Variants in GPC5 observed in about 807,000 individuals in gnomAD.
GPC5 encodes glypican-5.
In GPC5, 47 loss-of-function variants were observed where a neutral mutation model predicts 53.9. The ratio of observed to expected loss-of-function variants is 0.87; its 90% CI spans 0.69 to 1.11. The LOEUF (loss-of-function observed/expected upper bound fraction) is 1.11, where lower values mean the gene tolerates loss of function less well. Among genes scored for constraint, GPC5 ranks in the 50% most tolerant of loss-of-function variants. GPC5 has a pLI of 0.00. For missense variants in GPC5, 748 were observed against 713.1 expected, an observed-to-expected ratio of 1.05 and a Z score of -0.56; for synonymous variants, 286 against 263.3, an observed-to-expected ratio of 1.09 and a Z score of -0.84.
At chr13:92,586,596 GA>G (rs2139061040) in intron 7 of GPC5, among the ~76,000 whole-genome samples, 1 of 152,284 alleles carries the variant, frequency 6.6e-6, no homozygotes, top group South Asian at 2.1e-4. Context: ...GACGACTGAA[GA>G]AAAACACCCA....
intron 3 of GPC5, among the ~76,000 whole-genome samples, chr13:91,714,000 G>T (rs775818648): frequency 7.2e-5 from 11 of 152,036 alleles, no homozygotes; most frequent in Non-Finnish European, 1.3e-4. Flanking sequence ...AATAACCATT[G>T]AATCTCAGAG....
chr13:91,805,040 A>G (rs1258466008), intron 5 of GPC5, among the ~76,000 whole-genome samples: 5 of 152,200 alleles, frequency 3.3e-5, no homozygotes, highest in Non-Finnish European at 7.3e-5. Context: ...TCTGAACCAC[A>G]TGGCAGAACA....
chr13:92,079,770 C>T (rs973356705), intron 6 of GPC5, among the ~76,000 whole-genome samples: 3 of 152,186 alleles, frequency 2.0e-5, no homozygotes, highest in Admixed American at 6.5e-5. Context: ...TTTGCAGTAG[C>T]AATTGAGCTT....
intron 7 of GPC5, among the ~76,000 whole-genome samples, chr13:92,327,273 ACT>A (rs1297456060): frequency 2.0e-5 from 3 of 152,210 alleles, no homozygotes; most frequent in African/African-American, 7.2e-5. Context: ...TTGCCGCTAT[ACT>A]CTCAGAGCAG....
At chr13:91,766,049 C>A (rs1258985392) in intron 5 of GPC5, among the ~76,000 whole-genome samples, 1 of 152,158 alleles carries the variant, frequency 6.6e-6, no homozygotes, top group Non-Finnish European at 1.5e-5. Context: ...TCTACTCTTT[C>A]ACAAACACTG....
chr13:92,786,608 A>AGTACATTG (rs1245046164), intron 7 of GPC5, among the ~76,000 whole-genome samples: 1 of 152,184 alleles, frequency 6.6e-6, no homozygotes, highest in Non-Finnish European at 1.5e-5. Flanking sequence ...CTAGTAAAAT[A>AGTACATTG]GTACATTGAG....
chr13:92,543,655 G>A (rs1454759050), intron 7 of GPC5, among the ~76,000 whole-genome samples: 1 of 152,028 alleles, frequency 6.6e-6, no homozygotes, highest in East Asian at 1.9e-4. Context: ...CTCTGCCAAG[G>A]CACTGATTTT....
chr13:92,415,334 T>C (rs554820061), intron 7 of GPC5, among the ~76,000 whole-genome samples: 23 of 152,232 alleles, frequency 1.5e-4, no homozygotes, highest in African/African-American at 5.5e-4. Flanking sequence ...AAATAATTAA[T>C]GTGGTCCAAT....
At chr13:91,829,131 A>T (rs1211304403) in intron 5 of GPC5, among the ~76,000 whole-genome samples, 3 of 152,098 alleles carry the variant, frequency 2.0e-5, no homozygotes, top group African/African-American at 7.2e-5. Context: ...GCCTCCTGAC[A>T]TGATGTACTA....
intron 7 of GPC5, among the ~76,000 whole-genome samples, chr13:92,855,794 G>A (rs1878978055): frequency 6.6e-6 from 1 of 151,920 alleles, no homozygotes; most frequent in Non-Finnish European, 1.5e-5. Context: ...TCCCAAGATT[G>A]AATCAGGAAG....
chr13:92,240,245 T>A (rs1310545606), intron 7 of GPC5: 1 of 152,112 alleles, frequency 6.6e-6, no homozygotes, highest in East Asian at 1.9e-4. Context: ...AACCGTTTTT[T>A]CTCTGTTTTG....
intron 2 of GPC5, among the ~76,000 whole-genome samples, chr13:91,529,594 C>A (rs1363056544): frequency 2.0e-5 from 3 of 149,678 alleles, no homozygotes; most frequent in Non-Finnish European, 3.0e-5. Context: ...AGTAATCATG[C>A]AGTAAGTGCT....
At chr13:91,674,486 T>C (rs1314881645) in intron 2 of GPC5, among the ~76,000 whole-genome samples, 1 of 149,850 alleles carries the variant, frequency 6.7e-6, no homozygotes, top group Non-Finnish European at 1.5e-5. Flanking sequence ...CACACGCGCA[T>C]GTGTATATAT....
chr13:92,692,754 A>ATTTTTTTTT lies in GPC5; in HGVS notation c.1562-173514_1562-173506dup, dbSNP rs71272284. 6.2e-4 allele frequency among the ~76,000 whole-genome samples: 50 copies of ATTTTTTTTT among 81,018 alleles called. 2 individuals are homozygous for ATTTTTTTTT. Among genetic ancestry groups the ATTTTTTTTT allele is most frequent in the East Asian group, 4.2e-3 (5 of 1,182 alleles). The allele number at this position is 81,018 out of a possible 152,430, so 53.2% of individuals were successfully genotyped here. ...CTCCAAAGCCTCACCAATATCGGCT[A>ATTTTTTTTT]TTTTTTTTTTTTTTTTTTTTTTACA... On this transcript the variant is annotated intron_variant, in intron 7 of 7. Transcript: ENST00000377067.
chr13:91,796,185 G>C (rs1259273182), intron 5 of GPC5, among the ~76,000 whole-genome samples: 1 of 152,146 alleles, frequency 6.6e-6, no homozygotes, highest in African/African-American at 2.4e-5. Context: ...AGGAACCGTG[G>C]AACCCAAACG....
chr13:91,718,387 G>A (rs1430509256), intron 3 of GPC5, among the ~76,000 whole-genome samples: 1 of 151,912 alleles, frequency 6.6e-6, no homozygotes, highest in Admixed American at 6.6e-5. Context: ...TGGGATTACA[G>A]GCGTGAGCCA....
chr13:91,869,431 A>G lies in GPC5; in HGVS notation c.1281-38506A>G, dbSNP rs574153439. On this transcript the variant is annotated intron_variant, in intron 5 of 7. Coordinates refer to ENST00000377067, the MANE Select transcript of GPC5 (RefSeq NM_004466.6). Reference sequence around the variant, plus strand: ...AAAGCCAGAGTCCTAAAGGAAAAATATATGTACCACACTACTGCAATATCT... The same window carrying G: ...AAAGCCAGAGTCCTAAAGGAAAAATGTATGTACCACACTACTGCAATATCT... 1.2e-4 allele frequency among the ~76,000 whole-genome samples: 18 copies of G among 152,332 alleles called. No individual in the cohort carries two copies. In the South Asian group the frequency reaches 3.1e-3, roughly 26 times the overall value.
chr13:92,623,162 T>C (rs1378681337), intron 7 of GPC5, among the ~76,000 whole-genome samples: 1 of 144,290 alleles, frequency 6.9e-6, no homozygotes, highest in African/African-American at 2.7e-5. Context: ...TGAGATTCTA[T>C]CTCAAAAAAA....
At chr13:92,729,324 C>T (rs1888735760) in intron 7 of GPC5, among the ~76,000 whole-genome samples, 2 of 151,306 alleles carry the variant, frequency 1.3e-5, no homozygotes, top group South Asian at 4.1e-4. Flanking sequence ...GTGGTAGCCA[C>T]TAACTACATA....
Sources: allele counts gnomAD v4.1 joint callset (sites outside exome capture counted in the v4.1 genomes callset), GRCh38; gene constraint gnomAD v4.1.1; transcripts MANE v1.5; gene names NCBI Gene and HGNC (gene_info 2026-07-23, HGNC 2026-07-21).